SPATA9: variants seen among roughly 807,000 people sequenced by gnomAD.
The protein encoded by SPATA9 is spermatogenesis-associated protein 9.
In SPATA9, 27 loss-of-function variants were observed where a neutral mutation model predicts 25.5. The ratio of observed to expected loss-of-function variants is 1.06; its 90% CI spans 0.78 to 1.46. The LOEUF is 1.46. SPATA9 is among the 40% of genes most tolerant of loss of function. The pLI, the probability that SPATA9 is intolerant of heterozygous loss-of-function variation, is 0.00. For missense variants in SPATA9, 282 were observed against 297.5 expected, an observed-to-expected ratio of 0.95 and a Z score of 0.38; for synonymous variants, 102 against 105.7, an observed-to-expected ratio of 0.97 and a Z score of 0.21.
chr5:95,730,981 C>T, the SPATA9 span: 3 of 561,304 alleles, frequency 5.3e-6, no homozygotes, highest in Non-Finnish European at 9.2e-6. Context: ...GCTTCCCTAA[C>T]CTCCTTTTTC....
chr5:95,720,403 A>G, the SPATA9 span, among the ~76,000 whole-genome samples: 1 of 152,246 alleles, frequency 6.6e-6, no homozygotes, highest in African/African-American at 2.4e-5. Context: ...AATCATAGTT[A>G]ATGCAAAAGG....
chr5:95,658,854 G>A lies in SPATA9; in HGVS notation c.534C>T (p.Ser178=), dbSNP rs759762991. 3.1e-6 allele frequency: 5 copies of A among 1,613,738 alleles called. No homozygotes were observed. Among genetic ancestry groups the A allele is most frequent in the Non-Finnish European group, 4.2e-6 (5 of 1,179,890 alleles). Residue 178 remains serine, a synonymous_variant, in exon 5 of 5, where the codon TCC becomes TCT. Transcript: ENST00000274432. ...CACTCTCCTCTCTGTTTTGCCTTATGGATTCTTCTTCCTGGAAGATGTTCT... is the reference window on the plus strand; with the variant it reads ...CACTCTCCTCTCTGTTTTGCCTTATAGATTCTTCTTCCTGGAAGATGTTCT... The part of the protein sequence containing the change: ...KVKNIFQEEE[S]IRQNREESEN...
the SPATA9 span, among the ~76,000 whole-genome samples, chr5:95,727,987 G>C: frequency 6.6e-6 from 1 of 152,230 alleles, no homozygotes; most frequent in Non-Finnish European, 1.5e-5. Flanking sequence ...CTTCAAGGTT[G>C]ACCTGACTTC....
intron 3 of SPATA9, among the ~76,000 whole-genome samples, chr5:95,673,057 G>A (rs1239995593): frequency 2.0e-5 from 3 of 152,100 alleles, no homozygotes; most frequent in Non-Finnish European, 4.4e-5. Context: ...CCTGAAACAT[G>A]TACTTATATT....
chr5:95,698,358 G>T (rs548382176), intron 1 of SPATA9, among the ~76,000 whole-genome samples: 1 of 152,174 alleles, frequency 6.6e-6, no homozygotes, highest in South Asian at 2.1e-4. Flanking sequence ...CTTGATGCAA[G>T]CATCTGTGAA....
chr5:95,702,548 A>G (rs889383013), upstream of SPATA9, among the ~76,000 whole-genome samples: 2 of 152,166 alleles, frequency 1.3e-5, no homozygotes, highest in African/African-American at 2.4e-5. Flanking sequence ...TATATTCTAC[A>G]TTACCATCTA....
the SPATA9 span, among the ~76,000 whole-genome samples, chr5:95,711,750 C>T: frequency 6.6e-6 from 1 of 152,212 alleles, no homozygotes; most frequent in African/African-American, 2.4e-5. Context: ...CGCGGCCTGG[C>T]TCAGGAGGAC....
At chr5:95,685,777 A>G (rs757407773), upstream of SPATA9, among the ~76,000 whole-genome samples, 6 of 152,206 alleles carry the variant, frequency 3.9e-5, no homozygotes, top group Admixed American at 6.5e-5. Flanking sequence ...AAAAGTATCA[A>G]TACAAATACA....
chr5:95,680,113 T>C (rs986534729), intron 2 of SPATA9, among the ~76,000 whole-genome samples: 1 of 152,196 alleles, frequency 6.6e-6, no homozygotes, highest in Admixed American at 6.5e-5. Flanking sequence ...TTAGCCAGGA[T>C]GGTCTCCATC....
chr5:95,731,116 G>A, the SPATA9 span: 1 of 1,074,350 alleles, frequency 9.3e-7, no homozygotes, highest in Non-Finnish European at 1.1e-6. Flanking sequence ...CTGGGGCGTT[G>A]TATTTATTAA....
chr5:95,665,168 C>CTGT (rs1157598770), intron 3 of SPATA9, among the ~76,000 whole-genome samples: 2 of 152,196 alleles, frequency 1.3e-5, no homozygotes, highest in Non-Finnish European at 2.9e-5. Context: ...GGGTAGTTAG[C>CTGT]ATCTGTATCA....
chr5:95,680,319 C>T (rs899413748), intron 2 of SPATA9, among the ~76,000 whole-genome samples: 2 of 152,150 alleles, frequency 1.3e-5, no homozygotes, highest in Non-Finnish European at 2.9e-5. Flanking sequence ...GTCACAGCAA[C>T]CATTATTGGT....
At chr5:95,664,937 CAA>C (rs887985507) in intron 3 of SPATA9, among the ~76,000 whole-genome samples, 1 of 150,842 alleles carries the variant, frequency 6.6e-6, no homozygotes, top group Admixed American at 6.6e-5. Context: ...AAAACTAAAA[CAA>C]TGATCGTTGA....
intron 3 of SPATA9, among the ~76,000 whole-genome samples, chr5:95,671,174 C>T (rs1259416555): frequency 6.6e-6 from 1 of 152,184 alleles, no homozygotes; most frequent in Non-Finnish European, 1.5e-5. Context: ...CTAATTCCTA[C>T]TCCAAGACTC....
chr5:95,664,565 T>C (rs768289034), intron 3 of SPATA9, among the ~76,000 whole-genome samples: 4 of 152,228 alleles, frequency 2.6e-5, no homozygotes, highest in South Asian at 2.1e-4. Flanking sequence ...CAGGCTCTTA[T>C]GAAACACAGA....
intron 3 of SPATA9, among the ~76,000 whole-genome samples, chr5:95,675,027 T>G (rs1044186831): frequency 6.6e-6 from 1 of 152,218 alleles, no homozygotes; most frequent in African/African-American, 2.4e-5. Context: ...AATTTGAATT[T>G]ATAGGTAAAT....
chr5:95,707,396 A>G, the SPATA9 span, among the ~76,000 whole-genome samples: 1 of 152,174 alleles, frequency 6.6e-6, no homozygotes, highest in South Asian at 2.1e-4. Flanking sequence ...GTCCTTTATT[A>G]GCCGGCGACC....
intron 2 of SPATA9, among the ~76,000 whole-genome samples, chr5:95,677,173 A>T (rs548115638): frequency 2.6e-5 from 4 of 152,300 alleles, no homozygotes; most frequent in African/African-American, 9.6e-5. Flanking sequence ...TCTTCTCCTT[A>T]ACACTTACAC....
At chr5:95,714,320 C>T in the SPATA9 span, among the ~76,000 whole-genome samples, 1 of 152,202 alleles carries the variant, frequency 6.6e-6, no homozygotes, top group South Asian at 2.1e-4. Context: ...GATGAAAGGG[C>T]TCCAGGAGGA....
Sources: gnomAD v4.1 joint callset for allele counts (sites outside exome capture counted in the v4.1 genomes callset) on GRCh38, gnomAD v4.1.1 for gene constraint, MANE v1.5 for transcripts, NCBI Gene and HGNC (gene_info 2026-07-23, HGNC 2026-07-21) for gene names.